The following MSRA variants were observed in gnomAD, a reference collection of about 807,000 sequenced individuals.
The protein encoded by MSRA is methionine sulfoxide reductase A.
Under a neutral mutation model 31.3 loss-of-function variants are expected in MSRA, and 54 were observed. The ratio of observed to expected loss-of-function variants is 1.73; its 90% CI spans 1.39 to 2.17. The LOEUF is 2.17. Among genes scored for constraint, MSRA ranks in the 30% most tolerant of loss-of-function variants. The probability of loss-of-function intolerance (pLI) is 0.00; values close to 1 mark genes in which losing one functional copy is unlikely to be tolerated. For synonymous variants in MSRA, 169 were observed against 116.5 expected, an observed-to-expected ratio of 1.45 and a Z score of -2.90; for missense variants, 507 against 300.9, an observed-to-expected ratio of 1.69 and a Z score of -5.07.
intron 5 of MSRA, among the ~76,000 whole-genome samples, chr8:10,326,844 T>A (rs1292534319): frequency 6.6e-6 from 1 of 152,192 alleles, no homozygotes; most frequent in Non-Finnish European, 1.5e-5. Flanking sequence ...TTTCCCAGTA[T>A]CCTAAACTGA....
At chr8:10,199,834 C>G (rs1808342161) in intron 1 of MSRA, among the ~76,000 whole-genome samples, 1 of 152,108 alleles carries the variant, frequency 6.6e-6, no homozygotes, top group South Asian at 2.1e-4. Context: ...AAATGGAGTC[C>G]TTGAGTGTAG....
chr8:10,056,388 A>G (rs1210924879), intron 1 of MSRA, among the ~76,000 whole-genome samples: 1 of 152,172 alleles, frequency 6.6e-6, no homozygotes, highest in East Asian at 1.9e-4. Flanking sequence ...AAATGAGCCA[A>G]CAATTTTTTT....
intron 3 of MSRA, among the ~76,000 whole-genome samples, chr8:10,284,102 G>C (rs1799804187): frequency 6.6e-6 from 1 of 151,912 alleles, no homozygotes; most frequent in Non-Finnish European, 1.5e-5. Flanking sequence ...GGTTGTACTA[G>C]TTTACATTCC....
At chr8:10,297,611 TTTGCACTG>T (rs1800613816) in intron 3 of MSRA, among the ~76,000 whole-genome samples, 1 of 152,198 alleles carries the variant, frequency 6.6e-6, no homozygotes, top group Non-Finnish European at 1.5e-5. Flanking sequence ...CTTTTGATCA[TTTGCACTG>T]TGTATTTTTA....
intron 3 of MSRA, among the ~76,000 whole-genome samples, chr8:10,300,124 T>TTGTG (rs10682921): frequency 0.16 from 23,245 of 149,524 alleles, 2,945 homozygotes; most frequent in East Asian, 0.63. Context: ...TGGAAGAAAT[T>TTGTG]TGTGTGTGTG....
chr8:10,267,934 C>T (rs559990225), intron 3 of MSRA, among the ~76,000 whole-genome samples: 28 of 152,288 alleles, frequency 1.8e-4, no homozygotes, highest in Non-Finnish European at 3.1e-4. Context: ...TTCCCTAACC[C>T]CATCCCAGAC....
chr8:10,336,402 C>G (rs1258712548), intron 5 of MSRA, among the ~76,000 whole-genome samples: 1 of 151,694 alleles, frequency 6.6e-6, no homozygotes. Context: ...GAGCCTAACA[C>G]CCAAGCACAT....
intron 5 of MSRA, among the ~76,000 whole-genome samples, chr8:10,427,289 T>G (rs1809236622): frequency 6.6e-6 from 1 of 152,138 alleles, no homozygotes. Context: ...ACAGCTGAAA[T>G]CCAAAGGGGA....
chr8:10,337,066 C>T (rs944180767), intron 5 of MSRA: 7 of 152,230 alleles, frequency 4.6e-5, no homozygotes, highest in Non-Finnish European at 1.0e-4. Context: ...AGTCAGGTTT[C>T]GCAATTCACA....
chr8:10,084,244 T>G (rs1798439180), intron 1 of MSRA, among the ~76,000 whole-genome samples: 1 of 152,194 alleles, frequency 6.6e-6, no homozygotes, highest in African/African-American at 2.4e-5. Context: ...GGTTTTGCAT[T>G]TCTGACCTGG....
At chr8:10,372,603 C>T (rs2129170739) in intron 5 of MSRA, among the ~76,000 whole-genome samples, 2 of 152,274 alleles carry the variant, frequency 1.3e-5, no homozygotes, top group South Asian at 4.1e-4. Context: ...CTCCCTCCCT[C>T]TCTCTTTCTG....
Position 10,260,691 on chromosome 8 carries a change from T to C in MSRA, c.331+15468T>C, listed in dbSNP as rs138088795. ...AAAGGGAAATGAACAGCAGTTTGCA[T>C]TGGTGGGGGGGAATAAAAAGCAAAC... On this transcript the variant is annotated intron_variant, in intron 3 of 5. Transcript: ENST00000317173. Among the ~76,000 whole-genome samples the C allele has an allele frequency of 3.0e-3, 455 of 152,120 alleles. 2 individuals carry two copies. The highest frequency in any genetic ancestry group is 0.011 in the African/African-American group (440 of 41,496).
chr8:10,351,914 G>A (rs895175622), intron 5 of MSRA, among the ~76,000 whole-genome samples: 2 of 152,216 alleles, frequency 1.3e-5, no homozygotes, highest in Non-Finnish European at 2.9e-5. Flanking sequence ...CTGGCTGTCC[G>A]ACGGCCACAT....
intron 3 of MSRA, among the ~76,000 whole-genome samples, chr8:10,254,888 T>C (rs1798096744): frequency 6.6e-6 from 1 of 152,374 alleles, no homozygotes; most frequent in Non-Finnish European, 1.5e-5. Context: ...TGGAAGCGTT[T>C]AGATGGATGT....
At chr8:10,168,317 ATC>A (rs1328703449) in intron 1 of MSRA, among the ~76,000 whole-genome samples, 1 of 152,088 alleles carries the variant, frequency 6.6e-6, no homozygotes, top group African/African-American at 2.4e-5. Context: ...TCTAAACAGT[ATC>A]TCTCTCTATA....
chr8:10,115,832 T>C (rs2129015726), intron 1 of MSRA, among the ~76,000 whole-genome samples: 1 of 152,348 alleles, frequency 6.6e-6, no homozygotes, highest in South Asian at 2.1e-4. Flanking sequence ...CCACACTCAA[T>C]GACTGTTTAA....
intron 3 of MSRA, among the ~76,000 whole-genome samples, chr8:10,289,769 G>A (rs964363144): frequency 1.3e-5 from 2 of 152,168 alleles, no homozygotes; most frequent in Non-Finnish European, 2.9e-5. Flanking sequence ...GAAAACGTAC[G>A]CTTGACAACT....
chr8:10,317,551 T>C (rs148333785), intron 4 of MSRA, among the ~76,000 whole-genome samples: 294 of 152,270 alleles, frequency 1.9e-3, no homozygotes, highest in Non-Finnish European at 3.4e-3. Flanking sequence ...AGTTGGTAGA[T>C]GTCAGGAGGT....
At chr8:10,150,382 A>C (rs1320065516) in intron 1 of MSRA, among the ~76,000 whole-genome samples, 3 of 152,202 alleles carry the variant, frequency 2.0e-5, no homozygotes. Context: ...TACCATAGTC[A>C]TTGTTTACTA....
Sources: allele counts gnomAD v4.1 joint callset (sites outside exome capture counted in the v4.1 genomes callset), GRCh38; gene constraint gnomAD v4.1.1; transcripts MANE v1.5; gene names NCBI Gene and HGNC (gene_info 2026-07-23, HGNC 2026-07-21).